RBM23: variants seen among roughly 807,000 people sequenced by gnomAD.
RBM23 encodes probable RNA-binding protein 23.
RBM23 carries 53 observed loss-of-function variants against 56.2 expected under a neutral mutation model. That is an observed-to-expected ratio of 0.94 (90% CI 0.76 to 1.19). The LOEUF (loss-of-function observed/expected upper bound fraction) is 1.19, where lower values mean the gene tolerates loss of function less well. RBM23 is among the 50% of genes most tolerant of loss of function. RBM23 has a pLI of 0.00. For synonymous variants in RBM23, 197 were observed against 198.5 expected, an observed-to-expected ratio of 0.99 and a Z score of 0.06; for missense variants, 642 against 590.3, an observed-to-expected ratio of 1.09 and a Z score of -0.91.
chr14:22,903,083 A>T, intron 10 of RBM23: 1 of 985,324 alleles, frequency 1.0e-6, no homozygotes, highest in Non-Finnish European at 1.2e-6. Flanking sequence ...CGCCTGGCCA[A>T]ATTTTAGTTA....
At chr14:22,906,041 C>A (rs935455949) in intron 5 of RBM23, 154 bp downstream of exon 5, 2 of 884,904 alleles carry the variant, frequency 2.3e-6, no homozygotes, top group South Asian at 3.4e-5. Context: ...TGAGCCACCA[C>A]ACCAGTAAAT....
intron 5 of RBM23, chr14:22,905,936 A>G (rs8014936): frequency 0.61 from 362,513 of 591,826 alleles, 113,699 homozygotes; most frequent in East Asian, 0.8. Flanking sequence ...TTTTTGTAGA[A>G]CCAGGGTTTC....
chr14:22,906,143 T>C (rs1333920259), intron 5 of RBM23, 52 bp downstream of exon 5: 1 of 1,594,038 alleles, frequency 6.3e-7, no homozygotes, highest in Non-Finnish European at 8.6e-7. Context: ...GTGCATTTGT[T>C]GTTTTATCCA....
chr14:22,895,603 C>T lies in RBM23; in HGVS notation c.*6127G>A, dbSNP rs1238764105. ...CAGGAGTTCAAGACCACCTGGGCAA[C>T]ATAGCAAGACCCCATCTCTACAAAA... On this transcript the variant is annotated 3_prime_UTR_variant, in exon 14 of 14. Coordinates refer to ENST00000359890, the MANE Select transcript of RBM23 (RefSeq NM_001077351.2). 1 of 152,594 alleles carries T rather than the reference C, an allele frequency of 6.6e-6. No individual in the cohort carries two copies. The highest frequency in any genetic ancestry group is 2.4e-5 in the African/African-American group (1 of 41,404). The allele number at this position is 152,594 out of a possible 1,614,324, so 9.5% of individuals were successfully genotyped here. A position where few individuals can be genotyped will look rare whatever the true frequency, so the allele number is the denominator to read the frequency against.
chr14:22,917,182 T>C (rs1045755554), intron 1 of RBM23: 13 of 152,140 alleles, frequency 8.5e-5, no homozygotes, highest in African/African-American at 3.1e-4. Context: ...AAGAAAAGTT[T>C]TTTATACTCA....
chr14:22,904,959 A>G lies in RBM23; in HGVS notation c.780T>C (p.Gly260=). The change falls in exon 9 of 14, where the codon GGT becomes GGC. Residue 260 remains glycine (G), a synonymous_variant. Transcript: ENST00000359890. ...AACCCACATAGAGGCGCATTGGTCC[A>G]CCATTGCCCTTTTGCAGGTTGTTGG... ...AMANNLQKGN[G]GPMRLYVGSL... 6.2e-7 allele frequency: 1 copy of G among 1,614,150 alleles called. No individual in the cohort carries two copies. The highest frequency in any genetic ancestry group is 8.5e-7 in the Non-Finnish European group (1 of 1,180,028).
Position 22,903,653 on chromosome 14 carries a change from T to G in RBM23, c.930+608A>C, listed in dbSNP as rs1040732940. 12 of 1,000,526 alleles carry G rather than the reference T, an allele frequency of 1.2e-5. No homozygotes were observed. The African/African-American group carries it at 1.9e-4, about 16-fold the overall frequency. 62.0% of individuals were successfully genotyped at this position (1,000,526 alleles called of 1,614,324 possible). On this transcript the variant is annotated intron_variant, in intron 10 of 13. Coordinates refer to ENST00000359890, the MANE Select transcript of RBM23 (RefSeq NM_001077351.2). ...TGGTTTAAGCCCAGAAAATACAAGC[T>G]TCTATCAGACTTTGTGGCTGGCAGC...
rs550438057 is a variant in RBM23 at position 22,909,849 on chromosome 14, GGA to G, written c.67-256_67-255del. The stretch of plus-strand genomic sequence containing the variant: ...ACATCTGCTCCACTAACATTTCCCA[GGA>G]GAGTTACAAATTGGTGCTAGGCTGG... On this transcript the variant is annotated intron_variant, in intron 2 of 13. Coordinates refer to ENST00000359890, the MANE Select transcript of RBM23 (RefSeq NM_001077351.2). Among the ~76,000 whole-genome samples the G allele has an allele frequency of 1.8e-4, 27 of 152,100 alleles. No homozygotes were observed. In the East Asian group the frequency reaches 4.1e-3, roughly 23 times the overall value.
chr14:22,918,265 G>A (rs963609105), intron 1 of RBM23, among the ~76,000 whole-genome samples: 1 of 151,908 alleles, frequency 6.6e-6, no homozygotes, highest in African/African-American at 2.4e-5. Context: ...CGTTGTGGCA[G>A]GCGCCTGTAA....
rs561627045 is a variant in RBM23, at chr14:22,904,862, C to A, written c.864+13G>T. On this transcript the variant is annotated intron_variant, in intron 9 of 13. Coordinates refer to ENST00000359890, the MANE Select transcript of RBM23 (RefSeq NM_001077351.2). ...TCCAATTCCCTTCAGAGGTTTCTCT[C>A]ACTTCTACTCACTTTACCAAAGGGC... 1.8e-5 allele frequency: 29 copies of A among 1,613,880 alleles called. No individual in the cohort carries two copies. In the African/African-American group the frequency reaches 2.8e-4, roughly 16 times the overall value.
At chr14:22,905,549 A>T in intron 6 of RBM23, 57 bp downstream of exon 6, 1 of 1,602,014 alleles carries the variant, frequency 6.2e-7, no homozygotes, top group Non-Finnish European at 8.6e-7. Context: ...AATTTGGCTC[A>T]AATAACCTTT....
At chr14:22,904,399 T>TC in intron 9 of RBM23, 73 bp from the exon 10 acceptor site, 2 of 202,822 alleles carry the variant, frequency 9.9e-6, no homozygotes, top group East Asian at 3.5e-4. Context: ...CCCAGACTGC[T>TC]TTTTTTTTTT....
chr14:22,904,797 A>G, intron 9 of RBM23, 78 bp downstream of exon 9: 1 of 1,588,134 alleles, frequency 6.3e-7, no homozygotes, highest in Non-Finnish European at 8.6e-7. Flanking sequence ...GGCCAGGCAC[A>G]ACAGAGAAGT....
intron 2 of RBM23, among the ~76,000 whole-genome samples, chr14:22,911,086 A>C (rs1407840551): frequency 6.6e-6 from 1 of 152,214 alleles, no homozygotes; most frequent in Admixed American, 6.5e-5. Context: ...GTTTTGAGCA[A>C]AGCACAGATT....
intron 9 of RBM23, 82 bp downstream of exon 9, chr14:22,904,793 G>C: frequency 1.3e-6 from 2 of 1,577,380 alleles, no homozygotes; most frequent in Admixed American, 3.5e-5. Flanking sequence ...TCACGGCCAG[G>C]CACAACAGAG....
rs1367906260 is a variant in RBM23 at position 22,905,330 on chromosome 14, G to C, written c.573+6C>G. Reference sequence around the variant, plus strand: ...ACTCAGAAGAAAACTAAGGTGGGAGGGTTACCTTGCCTACAGCAGAGAAAA... The same window carrying C: ...ACTCAGAAGAAAACTAAGGTGGGAGCGTTACCTTGCCTACAGCAGAGAAAA... On this transcript the variant is annotated splice_donor_region_variant and intron_variant, in intron 7 of 13. Transcript: ENST00000359890. 2 of 1,613,974 alleles carry C rather than the reference G, an allele frequency of 1.2e-6. No homozygotes were observed. The highest frequency in any genetic ancestry group is 1.7e-6 in the Non-Finnish European group (2 of 1,179,976).
Position 22,901,562 on chromosome 14 carries a change from G to A in RBM23, c.*168C>T, listed in dbSNP as rs544169125. The A allele has an allele frequency of 4.1e-6, 4 of 974,746 alleles. No homozygotes were observed. The highest frequency in any genetic ancestry group is 4.9e-5 in the Admixed American group (2 of 40,690). The allele number at this position is 974,746 out of a possible 1,614,324, so 60.4% of individuals were successfully genotyped here. Reference sequence around the variant, plus strand: ...AGAGTCCATTTCCAGTGGGACCATGGGCAGGAGCTTTTCTTGGTATCTTAA... The same window carrying A: ...AGAGTCCATTTCCAGTGGGACCATGAGCAGGAGCTTTTCTTGGTATCTTAA... On this transcript the variant is annotated 3_prime_UTR_variant, in exon 14 of 14. Coordinates refer to ENST00000359890, the MANE Select transcript of RBM23 (RefSeq NM_001077351.2).
Position 22,905,001 on chromosome 14 carries a change from G to C in RBM23, c.738C>G (p.Asn246Lys), listed in dbSNP as rs1291420528. 1 of 1,614,172 alleles carries C rather than the reference G, an allele frequency of 6.2e-7. No individual in the cohort carries two copies. Among genetic ancestry groups the C allele is most frequent in the Non-Finnish European group, 8.5e-7 (1 of 1,180,040 alleles). The change falls in exon 9 of 14, where the codon AAC (asparagine) becomes AAG (lysine). Residue 246 changes from asparagine to lysine, a missense_variant. By Grantham distance (94) the Asn-to-Lys change is moderately conservative (BLOSUM62 0). Coordinates refer to ENST00000359890, the MANE Select transcript of RBM23 (RefSeq NM_001077351.2). ...GGTTGTTGGCCATGGCTGCCAGTCG[G>C]TTTTTCTCTGCCTGGGGAAGGAGGA... ...IIVQASQAEKNRLAAMANNLQ... is the reference protein window; with the variant it reads ...IIVQASQAEKKRLAAMANNLQ...
chr14:22,911,052 T>C (rs563278528), intron 2 of RBM23, among the ~76,000 whole-genome samples: 2 of 152,258 alleles, frequency 1.3e-5, no homozygotes, highest in Admixed American at 1.3e-4. Flanking sequence ...TGAGGTACAG[T>C]GACTTTCTAC....
Sources: gnomAD v4.1 joint callset for allele counts (sites outside exome capture counted in the v4.1 genomes callset) on GRCh38, gnomAD v4.1.1 for gene constraint, MANE v1.5 for transcripts, NCBI Gene and HGNC (gene_info 2026-07-23, HGNC 2026-07-21) for gene names.